Variants in BLK observed in about 807,000 individuals in gnomAD.
BLK encodes tyrosine-protein kinase Blk.
Under a neutral mutation model 61.8 loss-of-function variants are expected in BLK, and 64 were observed. The observed-to-expected ratio is 1.03, with a 90% confidence interval of 0.85 to 1.27. BLK has a LOEUF of 1.27. Among genes scored for constraint, BLK ranks in the 50% most tolerant of loss-of-function variants. The pLI, the probability that BLK is intolerant of heterozygous loss-of-function variation, is 0.00. For missense variants in BLK, 853 were observed against 660.5 expected (o/e 1.29, Z -3.19); for synonymous variants, 351 against 272.0 (o/e 1.29, Z -2.86).
intron 1 of BLK, among the ~76,000 whole-genome samples, chr8:11,520,258 C>T (rs1387815040): frequency 6.6e-6 from 1 of 151,970 alleles, no homozygotes; most frequent in East Asian, 1.9e-4. Context: ...AGGAGGATCG[C>T]TTGAGCCCAG....
chr8:11,510,378 C>T (rs985220822), intron 1 of BLK, among the ~76,000 whole-genome samples: 5 of 152,134 alleles, frequency 3.3e-5, no homozygotes, highest in Admixed American at 2.6e-4. Context: ...AATGAAATGA[C>T]TCATAAGGAA....
chr8:11,560,944 C>A (rs1214215695), intron 10 of BLK: 2 of 487,936 alleles, frequency 4.1e-6, no homozygotes, highest in South Asian at 3.1e-5. Flanking sequence ...TCCTGCTCCC[C>A]CTCCCCCTCC....
At chr8:11,536,937 G>A (rs146206210) in intron 1 of BLK, among the ~76,000 whole-genome samples, 21 of 152,272 alleles carry the variant, frequency 1.4e-4, no homozygotes, top group African/African-American at 3.4e-4. Flanking sequence ...ATTTTCCTGT[G>A]AGAGTGGGCT....
intron 2 of BLK, among the ~76,000 whole-genome samples, chr8:11,545,349 G>T (rs1800582873): frequency 6.6e-6 from 1 of 152,184 alleles, no homozygotes; most frequent in Non-Finnish European, 1.5e-5. Flanking sequence ...AGGAGTTCAA[G>T]ATCAGCCTGG....
chr8:11,555,657 C>G (rs897417171), intron 8 of BLK, 173 bp downstream of exon 8: 1 of 1,042,818 alleles, frequency 9.6e-7, no homozygotes, highest in Non-Finnish European at 1.4e-6. Flanking sequence ...GGTGCAGAGC[C>G]GCGTTGTAAC....
At chr8:11,556,443 G>A (rs1432918694) in intron 8 of BLK, 6 of 619,220 alleles carry the variant, frequency 9.7e-6, no homozygotes, top group African/African-American at 7.3e-5. Flanking sequence ...ATGCCCCCCA[G>A]GCAGGGTACA....
intron 1 of BLK, among the ~76,000 whole-genome samples, chr8:11,503,656 C>T (rs922636401): frequency 1.3e-5 from 2 of 152,152 alleles, no homozygotes; most frequent in African/African-American, 4.8e-5. Flanking sequence ...TCTTTCTTGG[C>T]AAGGTCTGAG....
intron 3 of BLK, 129 bp downstream of exon 3, chr8:11,546,232 A>G: frequency 8.8e-7 from 1 of 1,138,490 alleles, no homozygotes; most frequent in Non-Finnish European, 1.3e-6. Flanking sequence ...GGAAGCTGAG[A>G]GAGGCCCCGG....
At position 11,563,952 on chromosome 8, in the gene BLK, G is replaced by A. The variant is rs764918269; in HGVS notation, c.1362G>A (p.Met454Ile). 1 of 1,607,192 alleles carries A rather than the reference G, an allele frequency of 6.2e-7. No homozygotes were observed. Among genetic ancestry groups the A allele is most frequent in the African/African-American group, 1.3e-5 (1 of 75,026 alleles). Residue 454 changes from methionine to isoleucine, a missense_variant, in exon 13 of 13, where the codon ATG becomes ATA. By Grantham distance (10) the Met-to-Ile change is conservative (BLOSUM62 1). Coordinates refer to ENST00000259089, the MANE Select transcript of BLK (RefSeq NM_001715.3). ...VIRNLERGYR[M>I]PRPDTCPPEL... is the part of the protein sequence containing the mutation. Reference sequence around the variant, plus strand: ...GCAACCTGGAGCGCGGCTACCGCATGCCGCGCCCCGACACCTGCCCGCCCG... The same window carrying A: ...GCAACCTGGAGCGCGGCTACCGCATACCGCGCCCCGACACCTGCCCGCCCG...
chr8:11,562,145 C>T (rs1436131171), intron 11 of BLK, among the ~76,000 whole-genome samples: 2 of 152,172 alleles, frequency 1.3e-5, no homozygotes, highest in African/African-American at 2.4e-5. Flanking sequence ...TATTAACCTT[C>T]CATGGAATTA....
rs374714629 is a variant in BLK at position 11,555,194 on chromosome 8, T to C, written c.620-138T>C. On this transcript the variant is annotated intron_variant, in intron 7 of 12. Transcript: ENST00000259089. ...AGAGAAAGAGTTGAGTGTGTGTGCA[T>C]GTGCAGGCGTGTGCACACACCCATG... 5 of 1,143,202 alleles carry C rather than the reference T, an allele frequency of 4.4e-6. No individual in the cohort carries two copies. In the Admixed American group the frequency reaches 5.1e-5, roughly 12 times the overall value. The allele number at this position is 1,143,202 out of a possible 1,614,324, so 70.8% of individuals were successfully genotyped here. A position where few individuals can be genotyped will look rare whatever the true frequency, so the allele number is the denominator to read the frequency against.
intron 4 of BLK, 132 bp downstream of exon 4, chr8:11,548,257 C>T (rs905780417): frequency 1.2e-5 from 9 of 744,282 alleles, no homozygotes; most frequent in Non-Finnish European, 1.1e-5. Context: ...AGCCCTGGCC[C>T]CAGCATTTTC....
chr8:11,549,386 C>T (rs1800803058), intron 5 of BLK, among the ~76,000 whole-genome samples: 1 of 152,168 alleles, frequency 6.6e-6, no homozygotes, highest in Non-Finnish European at 1.5e-5. Flanking sequence ...TGGAACCGGC[C>T]CCAGTGTCTG....
chr8:11,528,575 G>A (rs181580081), intron 1 of BLK, among the ~76,000 whole-genome samples: 2 of 152,088 alleles, frequency 1.3e-5, no homozygotes, highest in African/African-American at 2.4e-5. Context: ...GCTAATGATT[G>A]CTCTAACTTC....
At chr8:11,522,573 A>G (rs1282914364) in intron 1 of BLK, among the ~76,000 whole-genome samples, 1 of 152,166 alleles carries the variant, frequency 6.6e-6, no homozygotes, top group African/African-American at 2.4e-5. Context: ...CAGGGAATGT[A>G]TGAGGTTGCC....
At chr8:11,552,539 G>A (rs918781895) in intron 6 of BLK, 1 of 152,160 alleles carries the variant, frequency 6.6e-6, no homozygotes, top group African/African-American at 2.4e-5. Context: ...AACATACACA[G>A]AAGTAGAGAA....
At chr8:11,545,905 C>T in intron 2 of BLK, 147 bp from the exon 3 acceptor site, 3 of 849,022 alleles carry the variant, frequency 3.5e-6, no homozygotes, top group Non-Finnish European at 6.1e-6. Flanking sequence ...TACAGAATGT[C>T]CCTGAGCAGC....
chr8:11,542,958 A>G (rs182034201), intron 1 of BLK, among the ~76,000 whole-genome samples: 1 of 152,140 alleles, frequency 6.6e-6, no homozygotes, highest in South Asian at 2.1e-4. Flanking sequence ...GATCCACCCC[A>G]GTGGTTTCCA....
Position 11,564,265 on chromosome 8 carries a change from C to T in BLK, c.*157C>T, listed in dbSNP as rs747684645. 2.1e-5 allele frequency: 19 copies of T among 895,376 alleles called. No individual in the cohort carries two copies. Among genetic ancestry groups the T allele is most frequent in the Admixed American group, 6.0e-5 (3 of 49,690 alleles). 55.5% of individuals were successfully genotyped at this position (895,376 alleles called of 1,614,324 possible). A position where few individuals can be genotyped will look rare whatever the true frequency, so the allele number is the denominator to read the frequency against. ...GGCAGCTTCGCAGGGGGTCCCCGGA[C>T]GGACTCCTTCACCGACTGCACCCCC... On this transcript the variant is annotated 3_prime_UTR_variant, in exon 13 of 13. Transcript: ENST00000259089.
Sources: allele counts gnomAD v4.1 joint callset (sites outside exome capture counted in the v4.1 genomes callset), GRCh38; gene constraint gnomAD v4.1.1; transcripts MANE v1.5; gene names NCBI Gene and HGNC (gene_info 2026-07-23, HGNC 2026-07-21).